The following DYRK1A variants were observed in gnomAD, a reference collection of about 807,000 sequenced individuals.
The protein encoded by DYRK1A is dual specificity tyrosine-phosphorylation-regulated kinase 1A.
In DYRK1A, 9 loss-of-function variants were observed where a neutral mutation model predicts 79.7. The observed-to-expected ratio is 0.11, with a 90% CI of 0.07 to 0.20. The LOEUF (loss-of-function observed/expected upper bound fraction) is 0.20. Ranked by LOEUF, DYRK1A falls within the 10% of genes least tolerant of loss-of-function variation. DYRK1A has a pLI of 1.00. For missense variants in DYRK1A, 622 were observed against 956.0 expected (o/e 0.65, Z 4.61); for synonymous variants, 349 against 329.7 (o/e 1.06, Z -0.63).
chr21:37,454,345 C>T (rs921096696), intron 2 of DYRK1A, among the ~76,000 whole-genome samples: 4 of 152,050 alleles, frequency 2.6e-5, no homozygotes, highest in Non-Finnish European at 5.9e-5. Flanking sequence ...CCTTCTGCCT[C>T]GGCCTCCCAA....
rs114966772 is a variant in DYRK1A, at chr21:37,404,139, G to A, written c.-76-16160G>A. ...CAGAACCAATAAGAGATACACAGGCGTGTATATATGTATGTATCCATAAGT... is the reference window on the plus strand; with the variant it reads ...CAGAACCAATAAGAGATACACAGGCATGTATATATGTATGTATCCATAAGT... On this transcript the variant is annotated intron_variant, in intron 1 of 11. Transcript: ENST00000647188. Among the ~76,000 whole-genome samples the A allele has an allele frequency of 4.8e-3, 725 of 152,218 alleles. 4 individuals carry two copies. Among genetic ancestry groups the A allele is most frequent in the African/African-American group, 0.016 (676 of 41,522 alleles).
chr21:37,395,976 A>G (rs557366502), intron 1 of DYRK1A, among the ~76,000 whole-genome samples: 11 of 152,346 alleles, frequency 7.2e-5, no homozygotes, highest in African/African-American at 2.6e-4. Flanking sequence ...ATGCCACACA[A>G]AACATAGGAG....
chr21:37,516,129 C>G lies in DYRK1A; in HGVS notation c.*3598C>G, dbSNP rs767978681. On this transcript the variant is annotated 3_prime_UTR_variant, in exon 12 of 12. Coordinates refer to ENST00000647188, the MANE Select transcript of DYRK1A (RefSeq NM_001347721.2). Reference sequence around the variant, plus strand: ...ATCCGGTGCATTCTGGGTGGTATCCCCATAGACAGAATACAAGTTCAAGAC... The same window carrying G: ...ATCCGGTGCATTCTGGGTGGTATCCGCATAGACAGAATACAAGTTCAAGAC... The G allele has an allele frequency of 1.3e-5, 2 of 152,064 alleles. No individual in the cohort carries two copies. The highest frequency in any genetic ancestry group is 2.9e-5 in the Non-Finnish European group (2 of 68,018). The allele number at this position is 152,064 out of a possible 1,614,324, so 9.4% of individuals were successfully genotyped here. A position where few individuals can be genotyped will look rare whatever the true frequency, so the allele number is the denominator to read the frequency against.
chr21:37,457,037 CTTAT>C (rs57947572), intron 2 of DYRK1A, among the ~76,000 whole-genome samples: 8,280 of 58,498 alleles, frequency 0.14, 329 homozygotes, highest in Non-Finnish European at 0.18. Flanking sequence ...TACTTACTTA[CTTAT>C]TTATTTATTT....
intron 1 of DYRK1A, among the ~76,000 whole-genome samples, chr21:37,369,337 G>C (rs2049383531): frequency 6.6e-6 from 1 of 152,196 alleles, no homozygotes; most frequent in Non-Finnish European, 1.5e-5. Context: ...CAGAACTAAA[G>C]TTTCATGTGT....
intron 2 of DYRK1A, among the ~76,000 whole-genome samples, chr21:37,452,075 G>T (rs1286753866): frequency 1.3e-5 from 2 of 152,010 alleles, no homozygotes; most frequent in Admixed American, 1.3e-4. Flanking sequence ...GAAATAAGAC[G>T]AGAGGTGTAA....
At chr21:37,455,062 G>A (rs939486817) in intron 2 of DYRK1A, among the ~76,000 whole-genome samples, 38 of 148,790 alleles carry the variant, frequency 2.6e-4, no homozygotes, top group Non-Finnish European at 4.1e-4. Flanking sequence ...ACTTGAGCAG[G>A]TTAGGTTACA....
chr21:37,415,620 C>T (rs1381139303), intron 1 of DYRK1A: 1 of 152,010 alleles, frequency 6.6e-6, no homozygotes, highest in Non-Finnish European at 1.5e-5. Context: ...TGCACCACCA[C>T]ACCCAACCAA....
rs1569405356 is a variant in DYRK1A at position 37,512,060 on chromosome 21, TCACCATCACCAC to T, written c.1800_1811del (p.His607_His610del). On this transcript the variant is annotated inframe_deletion, in exon 12 of 12. Coordinates refer to ENST00000647188, the MANE Select transcript of DYRK1A (RefSeq NM_001347721.2). ...ATCATCACCATGGTAACAGTTCCCA[TCACCATCACCAC>T]CACCACCACCATCACCACCACCATG... The T allele has an allele frequency of 6.2e-7, 1 of 1,613,900 alleles. No individual in the cohort carries two copies. The highest frequency in any genetic ancestry group is 8.5e-7 in the Non-Finnish European group (1 of 1,179,946).
chr21:37,424,267 A>T (rs1287870507), intron 2 of DYRK1A, among the ~76,000 whole-genome samples: 1 of 151,982 alleles, frequency 6.6e-6, no homozygotes, highest in African/African-American at 2.4e-5. Context: ...TGATTCAATA[A>T]ATTTATTTTT....
chr21:37,380,259 GTTT>G (rs1328067904), intron 1 of DYRK1A, among the ~76,000 whole-genome samples: 3 of 152,090 alleles, frequency 2.0e-5, no homozygotes, highest in Admixed American at 2.0e-4. Context: ...CCACAGTGGT[GTTT>G]TTTACTTTAT....
intron 6 of DYRK1A, chr21:37,488,378 TG>T (rs1361217178): frequency 2.3e-6 from 2 of 867,344 alleles, no homozygotes; most frequent in Non-Finnish European, 2.8e-6. Flanking sequence ...TTGATTTTTA[TG>T]ATGTAAATTA....
intron 11 of DYRK1A, among the ~76,000 whole-genome samples, chr21:37,507,336 CTT>C (rs2053626756): frequency 6.6e-6 from 1 of 152,176 alleles, no homozygotes; most frequent in African/African-American, 2.4e-5. Context: ...ACTCTCTCCT[CTT>C]TTGGCTTTTT....
chr21:37,414,416 A>G (rs983569986), intron 1 of DYRK1A, among the ~76,000 whole-genome samples: 5 of 152,120 alleles, frequency 3.3e-5, no homozygotes, highest in Admixed American at 1.3e-4. Context: ...CACCTGGACA[A>G]TGGGAATGAT....
At chr21:37,481,108 A>G (rs1295843728) in intron 5 of DYRK1A, 2 of 286,116 alleles carry the variant, frequency 7.0e-6, no homozygotes, top group East Asian at 7.3e-5. Context: ...CCTCTTTGTT[A>G]TGGGCCTTGT....
intron 2 of DYRK1A, among the ~76,000 whole-genome samples, chr21:37,456,587 A>G (rs925082787): frequency 2.0e-5 from 3 of 152,062 alleles, no homozygotes; most frequent in Non-Finnish European, 4.4e-5. Context: ...ATTCACTTGC[A>G]GGTGTTCAAC....
intron 2 of DYRK1A, among the ~76,000 whole-genome samples, chr21:37,433,887 GTTTC>G (rs1359198551): frequency 1.3e-5 from 2 of 152,246 alleles, no homozygotes; most frequent in East Asian, 1.9e-4. Flanking sequence ...TAAAAATATA[GTTTC>G]TTTGTTTCTA....
At chr21:37,423,584 CT>C (rs1272183170) in intron 2 of DYRK1A, among the ~76,000 whole-genome samples, 1 of 152,114 alleles carries the variant, frequency 6.6e-6, no homozygotes, top group Non-Finnish European at 1.5e-5. Context: ...CCTCCCCTCC[CT>C]TTTATTTTTG....
chr21:37,445,087 C>T lies in DYRK1A; in HGVS notation c.10+24703C>T, dbSNP rs541610285. ...CAGAATGGAAATCTGGGCAGGATGGCGGCAGAATCTGTGCTCCTAGGCACA... is the reference window on the plus strand; with the variant it reads ...CAGAATGGAAATCTGGGCAGGATGGTGGCAGAATCTGTGCTCCTAGGCACA... On this transcript the variant is annotated intron_variant, in intron 2 of 11. Transcript: ENST00000647188. Among the ~76,000 whole-genome samples, 10 of 152,240 alleles carry T rather than the reference C, an allele frequency of 6.6e-5. No homozygotes were observed. The East Asian group carries it at 1.5e-3, about 24-fold the overall frequency.
Sources: allele counts gnomAD v4.1 joint callset (sites outside exome capture counted in the v4.1 genomes callset), GRCh38; gene constraint gnomAD v4.1.1; transcripts MANE v1.5; gene names NCBI Gene and HGNC (gene_info 2026-07-23, HGNC 2026-07-21).